RCAN2: variants seen among roughly 807,000 people sequenced by gnomAD.
RCAN2 encodes the protein calcipressin-2.
A neutral mutation model predicts 23.6 loss-of-function variants in RCAN2; 9 were observed. The ratio of observed to expected loss-of-function variants is 0.38; its 90% CI spans 0.23 to 0.67. The LOEUF (loss-of-function observed/expected upper bound fraction) is 0.67, where lower values mean the gene tolerates loss of function less well. RCAN2 is among the 30% of genes least tolerant of loss of function. The pLI, the probability that RCAN2 is intolerant of heterozygous loss-of-function variation, is 0.51. For missense variants in RCAN2, 273 were observed against 302.3 expected, an observed-to-expected ratio of 0.90 and a Z score of 0.72; for synonymous variants, 109 against 115.7, an observed-to-expected ratio of 0.94 and a Z score of 0.37.
At chr6:46,372,981 T>C (rs1383699563) in intron 2 of RCAN2, among the ~76,000 whole-genome samples, 1 of 152,172 alleles carries the variant, frequency 6.6e-6, no homozygotes, top group Non-Finnish European at 1.5e-5. Flanking sequence ...ATGACATTCG[T>C]AGTGAATATA....
intron 2 of RCAN2, among the ~76,000 whole-genome samples, chr6:46,447,898 T>C (rs76073540): frequency 0.028 from 4,204 of 149,842 alleles, 214 homozygotes; most frequent in African/African-American, 0.097. Flanking sequence ...AAAAAGAAGA[T>C]TTCAAACAAA....
intron 2 of RCAN2, among the ~76,000 whole-genome samples, chr6:46,355,957 G>C (rs528535066): frequency 5.3e-5 from 8 of 152,300 alleles, no homozygotes; most frequent in African/African-American, 1.9e-4. Context: ...TAACCCAGCT[G>C]GCTGGAGCAC....
At chr6:46,412,819 G>A (rs1379480977) in intron 2 of RCAN2, among the ~76,000 whole-genome samples, 1 of 152,174 alleles carries the variant, frequency 6.6e-6, no homozygotes, top group Non-Finnish European at 1.5e-5. Context: ...GACCAGTAGA[G>A]GGGTTGTTGG....
intron 2 of RCAN2, among the ~76,000 whole-genome samples, chr6:46,440,755 T>C (rs909605141): frequency 1.3e-5 from 2 of 152,072 alleles, no homozygotes; most frequent in African/African-American, 2.4e-5. Context: ...ATAATCCTCA[T>C]AGTGAGAAAA....
At chr6:46,416,736 G>T (rs1481360448) in intron 2 of RCAN2, among the ~76,000 whole-genome samples, 1 of 151,230 alleles carries the variant, frequency 6.6e-6, no homozygotes, top group African/African-American at 2.5e-5. Context: ...TGCCCAGGCT[G>T]GTCTCGAACT....
At chr6:46,398,834 A>G (rs867473558) in intron 2 of RCAN2, among the ~76,000 whole-genome samples, 1 of 152,128 alleles carries the variant, frequency 6.6e-6, no homozygotes, top group Non-Finnish European at 1.5e-5. Context: ...CAGTCATTCC[A>G]TATTAATGGG....
intron 2 of RCAN2, among the ~76,000 whole-genome samples, chr6:46,384,881 C>A (rs1266038914): frequency 6.6e-6 from 1 of 152,054 alleles, no homozygotes; most frequent in East Asian, 1.9e-4. Context: ...CAAAATCACA[C>A]ACTTAAGATA....
chr6:46,303,469 TCTC>T (rs1178415450), intron 2 of RCAN2, among the ~76,000 whole-genome samples: 1 of 152,076 alleles, frequency 6.6e-6, no homozygotes, highest in Admixed American at 6.6e-5. Context: ...TGCTACTTCT[TCTC>T]CTACTTGACC....
At chr6:46,474,580 G>A (rs762456890) in intron 1 of RCAN2, among the ~76,000 whole-genome samples, 7 of 152,288 alleles carry the variant, frequency 4.6e-5, no homozygotes, top group Non-Finnish European at 7.4e-5. Context: ...GTGATGGTAC[G>A]TTTGGAAAGG....
chr6:46,325,550 T>A, intron 2 of RCAN2: 1 of 1,595,136 alleles, frequency 6.3e-7, no homozygotes, highest in Non-Finnish European at 8.5e-7. Context: ...AGCTTCCAGA[T>A]GGATATTGCT....
intron 4 of RCAN2, among the ~76,000 whole-genome samples, chr6:46,238,720 A>AT (rs1766194139): frequency 6.6e-6 from 1 of 151,802 alleles, no homozygotes; most frequent in South Asian, 2.1e-4. Context: ...AGATAATCTT[A>AT]TTTTTTATTT....
At position 46,437,472 on chromosome 6, in the gene RCAN2, G is replaced by A. The variant is rs140331748; in HGVS notation, c.225+19280C>T. Among the ~76,000 whole-genome samples the A allele has an allele frequency of 6.1e-3, 931 of 152,262 alleles. 3 individuals carry two copies. The highest frequency in any genetic ancestry group is 0.01 in the South Asian group (50 of 4,824). On this transcript the variant is annotated intron_variant, in intron 2 of 4. Coordinates refer to ENST00000371374, the MANE Select transcript of RCAN2 (RefSeq NM_001251974.2). Reference sequence around the variant, plus strand: ...AAATTGGGTAAAGTCACTGATTAAGGTGTTCACAAACCAAATGTACATTGA... The same window carrying A: ...AAATTGGGTAAAGTCACTGATTAAGATGTTCACAAACCAAATGTACATTGA...
chr6:46,354,617 T>C (rs1025514684), intron 2 of RCAN2, among the ~76,000 whole-genome samples: 1 of 152,204 alleles, frequency 6.6e-6, no homozygotes, highest in Non-Finnish European at 1.5e-5. Context: ...TCAGAATCTC[T>C]AGAAGTAGGA....
chr6:46,360,499 A>G (rs898156160), intron 2 of RCAN2, among the ~76,000 whole-genome samples: 1 of 131,186 alleles, frequency 7.6e-6, no homozygotes, highest in Non-Finnish European at 1.5e-5. Flanking sequence ...GTGCCACTAC[A>G]CTCCAGCCTG....
At chr6:46,355,776 A>C (rs1764809828) in intron 2 of RCAN2, among the ~76,000 whole-genome samples, 1 of 152,144 alleles carries the variant, frequency 6.6e-6, no homozygotes, top group Non-Finnish European at 1.5e-5. Flanking sequence ...AAAACTTGTG[A>C]CTCAGATAAA....
chr6:46,288,212 G>T (rs111783332), intron 2 of RCAN2, among the ~76,000 whole-genome samples: 36 of 152,282 alleles, frequency 2.4e-4, no homozygotes, highest in African/African-American at 7.5e-4. Context: ...GAAGGCTGTT[G>T]GGAAGACCTA....
chr6:46,343,724 A>G (rs1764403466), intron 2 of RCAN2, among the ~76,000 whole-genome samples: 1 of 152,214 alleles, frequency 6.6e-6, no homozygotes, highest in African/African-American at 2.4e-5. Flanking sequence ...AATTTAACAT[A>G]TGACCCAGGA....
intron 1 of RCAN2, among the ~76,000 whole-genome samples, chr6:46,471,047 G>C (rs555253592): frequency 6.6e-6 from 1 of 152,316 alleles, no homozygotes; most frequent in African/African-American, 2.4e-5. Context: ...CTTTATGTAG[G>C]GGTGGTGAGG....
At chr6:46,402,614 C>T (rs751450415) in intron 2 of RCAN2, among the ~76,000 whole-genome samples, 3 of 152,162 alleles carry the variant, frequency 2.0e-5, no homozygotes, top group Non-Finnish European at 4.4e-5. Context: ...GAGGGTCCTG[C>T]CGCACACCCA....
Sources: allele counts gnomAD v4.1 joint callset (sites outside exome capture counted in the v4.1 genomes callset), GRCh38; gene constraint gnomAD v4.1.1; transcripts MANE v1.5; gene names NCBI Gene and HGNC (gene_info 2026-07-23, HGNC 2026-07-21).